The following LHFPL3 variants were observed in gnomAD, a reference collection of about 807,000 sequenced individuals.
LHFPL3 encodes LHFPL tetraspan subfamily member 3.
Under a neutral mutation model 19.3 loss-of-function variants are expected in LHFPL3, and 5 were observed. That is an observed-to-expected ratio of 0.26 (90% CI 0.14 to 0.54). LHFPL3 has a LOEUF of 0.54. Ranked by LOEUF, LHFPL3 falls within the 20% of genes least tolerant of loss-of-function variation. The pLI, the probability that LHFPL3 is intolerant of heterozygous loss-of-function variation, is 0.94. For missense variants in LHFPL3, 249 were observed against 307.4 expected (o/e 0.81, Z 1.42); for synonymous variants, 133 against 126.2 (o/e 1.05, Z -0.36).
chr7:104,834,265 T>G (rs927963474), intron 2 of LHFPL3, among the ~76,000 whole-genome samples: 2 of 151,518 alleles, frequency 1.3e-5, no homozygotes, highest in African/African-American at 4.9e-5. Flanking sequence ...TTGACAGTAT[T>G]AACCATCACA....
intron 1 of LHFPL3, among the ~76,000 whole-genome samples, chr7:104,500,375 G>T (rs1793577908): frequency 6.6e-6 from 1 of 152,194 alleles, no homozygotes. Context: ...TTACCAAGTA[G>T]TGCTTACTAA....
chr7:104,765,944 C>T (rs938944724), intron 2 of LHFPL3, among the ~76,000 whole-genome samples: 3 of 152,214 alleles, frequency 2.0e-5, no homozygotes, highest in Admixed American at 1.3e-4. Flanking sequence ...CCAACCTCCA[C>T]ACTCCTGACC....
At chr7:104,730,572 G>A (rs536268401) in intron 1 of LHFPL3, among the ~76,000 whole-genome samples, 10 of 149,924 alleles carry the variant, frequency 6.7e-5, no homozygotes, top group South Asian at 2.1e-4. Context: ...CATATCCTTC[G>A]CCCACTTTTT....
intron 1 of LHFPL3, among the ~76,000 whole-genome samples, chr7:104,338,495 C>G (rs74646045): frequency 1.3e-5 from 2 of 152,202 alleles, no homozygotes; most frequent in East Asian, 3.9e-4. Flanking sequence ...GCTGTAGTCA[C>G]AATGTTTGAA....
chr7:104,477,928 A>G (rs959184042), intron 1 of LHFPL3, among the ~76,000 whole-genome samples: 3 of 152,166 alleles, frequency 2.0e-5, no homozygotes, highest in Admixed American at 1.3e-4. Flanking sequence ...CGTGAACAGT[A>G]TTTACAAAAA....
At chr7:104,554,163 C>T (rs919684180) in intron 1 of LHFPL3, among the ~76,000 whole-genome samples, 3 of 152,034 alleles carry the variant, frequency 2.0e-5, no homozygotes, top group Non-Finnish European at 2.9e-5. Flanking sequence ...TTTTTGGTGG[C>T]AGGGCTGGTT....
chr7:104,708,794 T>A (rs977539139), intron 1 of LHFPL3, among the ~76,000 whole-genome samples: 2 of 152,216 alleles, frequency 1.3e-5, no homozygotes, highest in African/African-American at 4.8e-5. Context: ...TTACACTTGA[T>A]AGCCTCTGTC....
intron 2 of LHFPL3, among the ~76,000 whole-genome samples, chr7:104,840,374 G>A (rs556198866): frequency 9.0e-4 from 129 of 142,658 alleles, no homozygotes; most frequent in African/African-American, 3.1e-3. Context: ...GGAGTGCAGC[G>A]GCACAATCGC....
intron 1 of LHFPL3, among the ~76,000 whole-genome samples, chr7:104,520,308 T>C (rs1302910327): frequency 2.7e-5 from 4 of 149,342 alleles, no homozygotes; most frequent in African/African-American, 9.9e-5. Context: ...CACTTGATCA[T>C]GGTGGATAAG....
chr7:104,408,864 CTTTTTT>C (rs561975535), intron 1 of LHFPL3, among the ~76,000 whole-genome samples: 1 of 105,436 alleles, frequency 9.5e-6, no homozygotes, highest in African/African-American at 3.7e-5. Flanking sequence ...AATTTTCTTT[CTTTTTT>C]TTTTTTTTTT....
At chr7:104,337,094 G>T (rs1337829060) in intron 1 of LHFPL3, among the ~76,000 whole-genome samples, 1 of 152,020 alleles carries the variant, frequency 6.6e-6, no homozygotes, top group African/African-American at 2.4e-5. Flanking sequence ...CCCTTAGTTG[G>T]TTTCAGGGCA....
intron 2 of LHFPL3, among the ~76,000 whole-genome samples, chr7:104,886,857 G>C (rs974018326): frequency 1.3e-5 from 2 of 152,224 alleles, no homozygotes; most frequent in African/African-American, 2.4e-5. Context: ...GGGCTAAGCT[G>C]CTCTCTCTGA....
chr7:104,329,690 G>A lies in LHFPL3; in HGVS notation c.445+466G>A, dbSNP rs180698412. Among the ~76,000 whole-genome samples the A allele has an allele frequency of 7.9e-4, 120 of 152,272 alleles. 2 individuals carry two copies. The South Asian group carries it at 8.5e-3, about 11-fold the overall frequency. On this transcript the variant is annotated intron_variant, in intron 1 of 2. Transcript: ENST00000424859. ...CGCTGCTGGGACTATTTCTGTCATT[G>A]ATCCTGGGAAAGGGGGCGGGGGGCG...
At chr7:104,605,130 C>A (rs964139311) in intron 1 of LHFPL3, among the ~76,000 whole-genome samples, 3 of 152,152 alleles carry the variant, frequency 2.0e-5, no homozygotes, top group African/African-American at 4.8e-5. Flanking sequence ...AGTCTAAACA[C>A]AACAAATGTA....
intron 2 of LHFPL3, among the ~76,000 whole-genome samples, chr7:104,797,211 C>G (rs1459949685): frequency 2.0e-5 from 3 of 152,200 alleles, no homozygotes; most frequent in Non-Finnish European, 4.4e-5. Flanking sequence ...GAGATGCACA[C>G]TGCATGGGCC....
intron 1 of LHFPL3, among the ~76,000 whole-genome samples, chr7:104,569,065 C>G (rs1790177893): frequency 6.6e-6 from 1 of 152,164 alleles, no homozygotes; most frequent in South Asian, 2.1e-4. Context: ...CTGCTTATTA[C>G]ATTTTTTTCA....
intron 1 of LHFPL3, among the ~76,000 whole-genome samples, chr7:104,396,642 GAAA>G (rs71153193): frequency 6.3e-4 from 87 of 137,540 alleles, no homozygotes; most frequent in African/African-American, 2.2e-3. Context: ...TACAAAATTA[GAAA>G]AAAAAAAAAA....
In LHFPL3 at chr7:104,677,687, C is replaced by T. The variant is rs563243505; in HGVS notation, c.446-58988C>T. 7.2e-5 allele frequency among the ~76,000 whole-genome samples: 11 copies of T among 152,266 alleles called. No homozygotes were observed. In the East Asian group the frequency reaches 7.7e-4, roughly 11 times the overall value. On this transcript the variant is annotated intron_variant, in intron 1 of 2. Coordinates refer to ENST00000424859, the MANE Select transcript of LHFPL3 (RefSeq NM_199000.3). ...ACTTTCTGCAATGATGGAAGTGTTC[C>T]GTATCTATGCTGTCCAGTTCAGTAG...
At chr7:104,679,697 T>C (rs1279744887) in intron 1 of LHFPL3, among the ~76,000 whole-genome samples, 1 of 152,192 alleles carries the variant, frequency 6.6e-6, no homozygotes, top group Non-Finnish European at 1.5e-5. Flanking sequence ...AGACCATAAT[T>C]GTAATTTTGT....
Sources: gnomAD v4.1 joint callset for allele counts (sites outside exome capture counted in the v4.1 genomes callset) on GRCh38, gnomAD v4.1.1 for gene constraint, MANE v1.5 for transcripts, NCBI Gene and HGNC (gene_info 2026-07-23, HGNC 2026-07-21) for gene names.